The following WDR4 variants were observed in gnomAD, a reference collection of about 807,000 sequenced individuals.
WDR4 encodes the protein WDR4 tRNA N7-guanosine methyltransferase non-catalytic subunit.
A neutral mutation model predicts 48.6 loss-of-function variants in WDR4; 47 were observed. The ratio of observed to expected loss-of-function variants is 0.97; its 90% CI spans 0.77 to 1.23. WDR4 has a LOEUF of 1.23. WDR4 is among the 50% of genes most tolerant of loss of function. The probability of loss-of-function intolerance (pLI) is 0.00; values close to 1 mark genes in which losing one functional copy is unlikely to be tolerated. For synonymous variants in WDR4, 268 were observed against 230.0 expected (o/e 1.17, Z -1.49); for missense variants, 606 against 551.6 (o/e 1.10, Z -0.99).
downstream of WDR4, among the ~76,000 whole-genome samples, chr21:42,846,379 G>A (rs1002084543): frequency 2.0e-5 from 3 of 152,164 alleles, no homozygotes; most frequent in Non-Finnish European, 4.4e-5. Flanking sequence ...AGGTCAGGCC[G>A]GCCAGCATGC....
chr21:42,853,438 G>A, intron 9 of WDR4, 131 bp downstream of exon 9: 3 of 1,100,886 alleles, frequency 2.7e-6, no homozygotes, highest in Non-Finnish European at 3.8e-6. Context: ...TCAGGACACA[G>A]ACCCTGGGCC....
the WDR4 span, among the ~76,000 whole-genome samples, chr21:42,885,811 T>C: frequency 6.6e-6 from 1 of 152,066 alleles, no homozygotes; most frequent in African/African-American, 2.4e-5. Context: ...TTGTCCCATC[T>C]TGGTCTCCTG....
downstream of WDR4, among the ~76,000 whole-genome samples, chr21:42,848,991 T>C (rs1325678701): frequency 1.2e-4 from 11 of 92,210 alleles, no homozygotes; most frequent in East Asian, 9.3e-4. Context: ...TCACGCAGCG[T>C]GCACCTCACA....
At chr21:42,860,712 G>A (rs528699434) in intron 5 of WDR4, among the ~76,000 whole-genome samples, 2 of 152,376 alleles carry the variant, frequency 1.3e-5, no homozygotes, top group South Asian at 2.1e-4. Context: ...AGTTCTCAAC[G>A]GTTTGAAAGG....
chr21:42,855,143 A>T (rs201582237), intron 7 of WDR4, among the ~76,000 whole-genome samples: 2,716 of 136,570 alleles, frequency 0.02, 77 homozygotes, highest in African/African-American at 0.073. Context: ...AAAAAAAAAA[A>T]TTTTTTTTAA....
rs572887404 is a variant in WDR4 at position 42,866,616 on chromosome 21, C to T, written c.297-3020G>A. Among the ~76,000 whole-genome samples, 7 of 152,202 alleles carry T rather than the reference C, an allele frequency of 4.6e-5. No individual in the cohort carries two copies. In the South Asian group the frequency reaches 1.5e-3, roughly 32 times the overall value. On this transcript the variant is annotated intron_variant, in intron 3 of 10. Coordinates refer to ENST00000398208, the MANE Select transcript of WDR4 (RefSeq NM_018669.6). The stretch of plus-strand genomic sequence containing the variant: ...TTGCGGACCAGCCACAGGGTGCTGC[C>T]TGCCAGCTCAGCATGGTTCCACTCA...
At chr21:42,854,732 A>C in intron 7 of WDR4, 106 bp from the exon 8 acceptor site, 4 of 1,016,302 alleles carry the variant, frequency 3.9e-6, no homozygotes, top group Non-Finnish European at 4.3e-6. Flanking sequence ...GCCCCCACAT[A>C]TCAAGGAAGA....
chr21:42,885,547 T>C, the WDR4 span, among the ~76,000 whole-genome samples: 1 of 152,000 alleles, frequency 6.6e-6, no homozygotes, highest in Non-Finnish European at 1.5e-5. Context: ...AGGCAGAGGT[T>C]GCAGTGAGCT....
intron 2 of WDR4, among the ~76,000 whole-genome samples, chr21:42,876,218 C>CTTTTT (rs373181618): frequency 1.4e-4 from 15 of 105,848 alleles, no homozygotes; most frequent in African/African-American, 3.1e-4. Context: ...ACACTGTACT[C>CTTTTT]TTTTTTTTTT....
chr21:42,866,621 A>T (rs1252962721), intron 3 of WDR4, among the ~76,000 whole-genome samples: 1 of 152,084 alleles, frequency 6.6e-6, no homozygotes, highest in Non-Finnish European at 1.5e-5. Flanking sequence ...GCTGCCTGCC[A>T]GCTCAGCATG....
chr21:42,884,889 C>G, the WDR4 span, among the ~76,000 whole-genome samples: 2 of 152,052 alleles, frequency 1.3e-5, no homozygotes, highest in Middle Eastern at 3.2e-3. Context: ...GATTCTCCTG[C>G]CTCAGCCTCC....
chr21:42,859,597 G>GGGGGC, intron 6 of WDR4, 65 bp downstream of exon 6: 2 of 708,190 alleles, frequency 2.8e-6, no homozygotes, highest in Non-Finnish European at 5.1e-6. Context: ...TCCAGGAGGC[G>GGGGGC]CCCACCCCAC....
At chr21:42,859,585 G>GCGATCCACAGGGGCCAT in intron 6 of WDR4, 77 bp downstream of exon 6, 20 of 1,363,704 alleles carry the variant, frequency 1.5e-5, no homozygotes, top group Non-Finnish European at 1.9e-5. Flanking sequence ...ACAGGGGCCA[G>GCGATCCACAGGGGCCAT]GTCCAGGAGG....
rs563954955 is a variant in WDR4, at chr21:42,863,994, C to G, written c.297-398G>C. Among the ~76,000 whole-genome samples the G allele has an allele frequency of 6.2e-5, 5 of 80,798 alleles. 2 individuals carry two copies. Among genetic ancestry groups the G allele is most frequent in the Non-Finnish European group, 1.2e-4 (5 of 43,230 alleles). 53.0% of individuals were successfully genotyped at this position (80,798 alleles called of 152,430 possible). A position where few individuals can be genotyped will look rare whatever the true frequency, so the allele number is the denominator to read the frequency against. ...TGGTGGCGGGCGCCTGTAGTCCCAG[C>G]TACTCGGGAGGCTGAGGCGGGAGAA... On this transcript the variant is annotated intron_variant, in intron 3 of 10. Transcript: ENST00000398208.
At chr21:42,857,771 T>C (rs1355331785) in intron 6 of WDR4, among the ~76,000 whole-genome samples, 2 of 149,246 alleles carry the variant, frequency 1.3e-5, no homozygotes. Flanking sequence ...CCTAAAGGAG[T>C]AGAAATACGA....
intron 8 of WDR4, 21 bp from the exon 9 acceptor site, chr21:42,853,773 C>G: frequency 6.5e-7 from 1 of 1,543,896 alleles, no homozygotes; most frequent in Non-Finnish European, 8.7e-7. Context: ...AGAAAGAGAG[C>G]ATGATTACTA....
chr21:42,881,653 C>A (rs2058611966), upstream of WDR4, among the ~76,000 whole-genome samples: 1 of 152,176 alleles, frequency 6.6e-6, no homozygotes, highest in African/African-American at 2.4e-5. Context: ...GTGTTCACTA[C>A]CAGTTTCCCC....
rs148700675 is a variant in WDR4, at chr21:42,854,910, C to T, written c.727-284G>A. Among the ~76,000 whole-genome samples the T allele has an allele frequency of 3.3e-3, 501 of 152,152 alleles. 2 individuals are homozygous for T. Among genetic ancestry groups the T allele is most frequent in the African/African-American group, 0.011 (473 of 41,508 alleles). On this transcript the variant is annotated intron_variant, in intron 7 of 10. Transcript: ENST00000398208. Reference sequence around the variant, plus strand: ...GTCAGACAGTGAGGAGAAGAGGGAGCGGAGGACACAGGGGAAAGGAAGAGA... The same window carrying T: ...GTCAGACAGTGAGGAGAAGAGGGAGTGGAGGACACAGGGGAAAGGAAGAGA...
At chr21:42,852,396 A>C in intron 9 of WDR4, 72 bp from the exon 10 acceptor site, 3 of 1,530,188 alleles carry the variant, frequency 2.0e-6, no homozygotes, top group East Asian at 2.3e-5. Flanking sequence ...GACGCAACAC[A>C]TGCTGGCCAG....
Sources: allele counts gnomAD v4.1 joint callset (sites outside exome capture counted in the v4.1 genomes callset), GRCh38; gene constraint gnomAD v4.1.1; transcripts MANE v1.5; gene names NCBI Gene and HGNC (gene_info 2026-07-23, HGNC 2026-07-21).